STAC: variants seen among roughly 807,000 people sequenced by gnomAD.
The protein encoded by STAC is SH3 and cysteine-rich domain-containing protein.
Under a neutral mutation model 48.8 loss-of-function variants are expected in STAC, and 43 were observed. That is an observed-to-expected ratio of 0.88 (90% CI 0.69 to 1.14). The LOEUF (loss-of-function observed/expected upper bound fraction) is 1.14, where lower values mean the gene tolerates loss of function less well. STAC is among the 50% of genes most tolerant of loss of function. STAC has a pLI of 0.00. For synonymous variants in STAC, 193 were observed against 179.5 expected, an observed-to-expected ratio of 1.07 and a Z score of -0.60; for missense variants, 497 against 504.0, an observed-to-expected ratio of 0.99 and a Z score of 0.13.
At chr3:36,398,347 G>GAAAGAAAAAAAA (rs1553631466) in intron 1 of STAC, among the ~76,000 whole-genome samples, 4 of 131,032 alleles carry the variant, frequency 3.1e-5, no homozygotes, top group Middle Eastern at 4.1e-3. Context: ...AAGAAAGAAA[G>GAAAGAAAAAAAA]AAAGAAAGAA....
chr3:36,523,914 T>C (rs1698864453), intron 8 of STAC, among the ~76,000 whole-genome samples: 1 of 151,966 alleles, frequency 6.6e-6, no homozygotes, highest in South Asian at 2.1e-4. Flanking sequence ...TAAGAAAGGG[T>C]TCAGAAGAAA....
At chr3:36,414,712 G>A (rs947340173) in intron 1 of STAC, among the ~76,000 whole-genome samples, 12 of 152,216 alleles carry the variant, frequency 7.9e-5, no homozygotes, top group Admixed American at 2.6e-4. Context: ...TTGCTGGTAA[G>A]GAGCTGCGTT....
chr3:36,465,988 C>T (rs949527064), intron 2 of STAC, among the ~76,000 whole-genome samples: 1 of 152,118 alleles, frequency 6.6e-6, no homozygotes, highest in South Asian at 2.1e-4. Context: ...ATCAAGCTGA[C>T]ACTCACATTC....
chr3:36,514,561 A>G (rs1698623979), intron 8 of STAC, among the ~76,000 whole-genome samples: 1 of 152,204 alleles, frequency 6.6e-6, no homozygotes, highest in Admixed American at 6.5e-5. Flanking sequence ...AAACTCCATG[A>G]GAACAAGTCT....
intron 2 of STAC, among the ~76,000 whole-genome samples, chr3:36,474,159 G>A (rs1697425926): frequency 6.6e-6 from 1 of 152,060 alleles, no homozygotes; most frequent in African/African-American, 2.4e-5. Context: ...ACAGCAGCTG[G>A]CCACCCTGAA....
At chr3:36,476,345 T>G (rs1575226129) in intron 2 of STAC, among the ~76,000 whole-genome samples, 1 of 151,572 alleles carries the variant, frequency 6.6e-6, no homozygotes, top group Admixed American at 6.6e-5. Flanking sequence ...GGAAGGAGGG[T>G]GTGTGTGCAG....
intron 8 of STAC, among the ~76,000 whole-genome samples, chr3:36,512,783 C>CTTTTTTTTTTTTTTTTTTTT (rs901936471): frequency 6.6e-6 from 1 of 151,912 alleles, no homozygotes; most frequent in African/African-American, 2.4e-5. Context: ...ATCACACATA[C>CTTTTTTTTTTTTTTTTTTTT]TTTTTTTTAT....
chr3:36,418,878 T>C (rs145417748), intron 1 of STAC, among the ~76,000 whole-genome samples: 1,765 of 151,964 alleles, frequency 0.012, 11 homozygotes, highest in Middle Eastern at 0.034. Flanking sequence ...AGAAACCCTG[T>C]CTCTACTAAA....
intron 2 of STAC, among the ~76,000 whole-genome samples, chr3:36,454,524 G>C (rs1315355181): frequency 6.6e-6 from 1 of 152,116 alleles, no homozygotes; most frequent in Non-Finnish European, 1.5e-5. Flanking sequence ...AAGTCAGTGA[G>C]ACCAAGAACC....
At position 36,387,699 on chromosome 3, in the gene STAC, G is replaced by GTA. The variant is rs567144149; in HGVS notation, c.111+6954_111+6955dup. ...TTTTTAAGCTGAATAATATCCCATTGTATATATATACTACATTTTGTTTAT... is the reference window on the plus strand; with the variant it reads ...TTTTTAAGCTGAATAATATCCCATTGTATATATATATACTACATTTTGTTTAT... On this transcript the variant is annotated intron_variant, in intron 1 of 10. Coordinates refer to ENST00000273183, the MANE Select transcript of STAC (RefSeq NM_003149.3). 3.1e-4 allele frequency among the ~76,000 whole-genome samples: 47 copies of GTA among 152,038 alleles called. No individual in the cohort carries two copies. The South Asian group carries it at 8.7e-3, about 28-fold the overall frequency.
chr3:36,385,718 T>G (rs1206074584), intron 1 of STAC, among the ~76,000 whole-genome samples: 1 of 152,162 alleles, frequency 6.6e-6, no homozygotes, highest in African/African-American at 2.4e-5. Context: ...CATAAATTAT[T>G]TGCTCATTTC....
chr3:36,505,505 T>C (rs1698380115), intron 7 of STAC, among the ~76,000 whole-genome samples: 1 of 152,168 alleles, frequency 6.6e-6, no homozygotes, highest in South Asian at 2.1e-4. Context: ...AAAATTGCAA[T>C]ATTTCTGACA....
At chr3:36,466,774 G>C (rs1204118292) in intron 2 of STAC, among the ~76,000 whole-genome samples, 2 of 152,030 alleles carry the variant, frequency 1.3e-5, no homozygotes, top group African/African-American at 4.8e-5. Flanking sequence ...TCTAGGTATA[G>C]GATTGTATCA....
At chr3:36,383,911 T>C (rs1332915247) in intron 1 of STAC, among the ~76,000 whole-genome samples, 1 of 152,244 alleles carries the variant, frequency 6.6e-6, no homozygotes, top group African/African-American at 2.4e-5. Context: ...AAACCCCGTC[T>C]TGGACTTTGG....
At chr3:36,537,517 G>C (rs1270282647) in intron 10 of STAC, among the ~76,000 whole-genome samples, 1 of 152,100 alleles carries the variant, frequency 6.6e-6, no homozygotes, top group African/African-American at 2.4e-5. Context: ...CACAGGGAGG[G>C]AACAACACAC....
intron 2 of STAC, among the ~76,000 whole-genome samples, chr3:36,458,015 A>AT (rs1010905704): frequency 6.6e-6 from 1 of 152,148 alleles, no homozygotes; most frequent in Non-Finnish European, 1.5e-5. Flanking sequence ...AATGCCATTA[A>AT]TTTTTTTAAA....
rs572921035 is a variant in STAC at position 36,457,323 on chromosome 3, T to G, written c.388+13683T>G. ...TTACCTTCTCTCAATCTAAGTGTCTTTAAAATGAGAGCAGAAATAACAATA... is the reference window on the plus strand; with the variant it reads ...TTACCTTCTCTCAATCTAAGTGTCTGTAAAATGAGAGCAGAAATAACAATA... On this transcript the variant is annotated intron_variant, in intron 2 of 10. Transcript: ENST00000273183. 1.6e-3 allele frequency among the ~76,000 whole-genome samples: 246 copies of G among 152,308 alleles called. 1 individual carries two copies. Among genetic ancestry groups the G allele is most frequent in the African/African-American group, 5.8e-3 (241 of 41,558 alleles).
chr3:36,448,214 C>CT, intron 2 of STAC, among the ~76,000 whole-genome samples: 1 of 127,874 alleles, frequency 7.8e-6, no homozygotes, highest in Non-Finnish European at 1.7e-5. Flanking sequence ...TTTTATTTTA[C>CT]TTTATTTAAC....
rs578197117 is a variant in STAC at position 36,401,710 on chromosome 3, G to A, written c.111+20956G>A. Among the ~76,000 whole-genome samples the A allele has an allele frequency of 3.9e-5, 6 of 152,318 alleles. No homozygotes were observed. In the East Asian group the frequency reaches 1.2e-3, roughly 29 times the overall value. On this transcript the variant is annotated intron_variant, in intron 1 of 10. Coordinates refer to ENST00000273183, the MANE Select transcript of STAC (RefSeq NM_003149.3). The stretch of plus-strand genomic sequence containing the variant: ...TATAATTTGCGGGGCCCAGTGCAAA[G>A]GGAAATCGGAGCTCCTTGCTCAAAC...
Sources: allele counts gnomAD v4.1 joint callset (sites outside exome capture counted in the v4.1 genomes callset), GRCh38; gene constraint gnomAD v4.1.1; transcripts MANE v1.5; gene names NCBI Gene and HGNC (gene_info 2026-07-23, HGNC 2026-07-21).